Variants in GABRB1 observed in about 807,000 individuals in gnomAD.
The protein encoded by GABRB1 is gamma-aminobutyric acid type A receptor subunit beta1.
GABRB1 carries 17 observed loss-of-function variants against 51.6 expected under a neutral mutation model. The ratio of observed to expected loss-of-function variants is 0.33; its 90% CI spans 0.23 to 0.49. The LOEUF is 0.49. Among genes scored for constraint, GABRB1 ranks in the 20% least tolerant of loss-of-function variants. GABRB1 has a pLI of 0.99. For missense variants in GABRB1, 410 were observed against 600.6 expected (o/e 0.68, Z 3.32); for synonymous variants, 247 against 218.9 (o/e 1.13, Z -1.14).
At chr4:47,063,203 C>A (rs1046755189) in intron 3 of GABRB1, among the ~76,000 whole-genome samples, 1 of 152,124 alleles carries the variant, frequency 6.6e-6, no homozygotes, top group Non-Finnish European at 1.5e-5. Context: ...AGGCCTTGAA[C>A]GTGCCAAGCA....
intron 4 of GABRB1, among the ~76,000 whole-genome samples, chr4:47,185,560 T>G (rs1719141262): frequency 6.6e-6 from 1 of 151,714 alleles, no homozygotes; most frequent in South Asian, 2.1e-4. Flanking sequence ...CCCACCTTGT[T>G]GTAAAAAAAA....
chr4:47,201,876 G>A (rs897086142), intron 4 of GABRB1, among the ~76,000 whole-genome samples: 1 of 152,094 alleles, frequency 6.6e-6, no homozygotes, highest in Non-Finnish European at 1.5e-5. Flanking sequence ...ACAAATATAA[G>A]CACATGCTGC....
chr4:47,411,648 A>C (rs1467610330), intron 8 of GABRB1, among the ~76,000 whole-genome samples: 6 of 152,202 alleles, frequency 3.9e-5, no homozygotes, highest in Non-Finnish European at 7.3e-5. Flanking sequence ...TACACACTTT[A>C]TGTCAATGTC....
chr4:47,032,013 TTCA>T lies in GABRB1; in HGVS notation c.172+11_172+13del. ...TGCGGCCGGACTTCGGAGGTAACGC[TTCA>T]TCTTTTTTCAACCTGTAACCCATCC... On this transcript the variant is annotated intron_variant, in intron 2 of 8. Coordinates refer to ENST00000295454, the MANE Select transcript of GABRB1 (RefSeq NM_000812.4). 1 of 1,604,580 alleles carries T rather than the reference TTCA, an allele frequency of 6.2e-7. No individual in the cohort carries two copies.
At chr4:47,234,401 C>T (rs1282392349) in intron 4 of GABRB1, among the ~76,000 whole-genome samples, 2 of 151,810 alleles carry the variant, frequency 1.3e-5, no homozygotes, top group Admixed American at 6.6e-5. Context: ...GCAGGAGAAT[C>T]GCTTGAACCC....
chr4:47,176,996 A>G (rs1435783765), intron 4 of GABRB1, among the ~76,000 whole-genome samples: 1 of 152,176 alleles, frequency 6.6e-6, no homozygotes, highest in Non-Finnish European at 1.5e-5. Context: ...ATTTGAAACC[A>G]GTCATCTGAT....
intron 4 of GABRB1, among the ~76,000 whole-genome samples, chr4:47,288,544 G>T (rs1723600708): frequency 2.0e-5 from 3 of 152,190 alleles, no homozygotes; most frequent in East Asian, 1.9e-4. Context: ...TTACAGGTGT[G>T]AGCCACCATG....
At chr4:47,047,524 T>G (rs1368501420) in intron 3 of GABRB1, among the ~76,000 whole-genome samples, 3 of 152,136 alleles carry the variant, frequency 2.0e-5, no homozygotes, top group African/African-American at 7.2e-5. Flanking sequence ...TCAGAGTCTA[T>G]GTGTGGTAAT....
intron 3 of GABRB1, among the ~76,000 whole-genome samples, chr4:47,123,806 A>ATATATTATATATTATAT (rs1469241852): frequency 1.1e-5 from 1 of 90,514 alleles, no homozygotes; most frequent in Non-Finnish European, 2.0e-5. Flanking sequence ...ATTATATATC[A>ATATATTATATATTATAT]TATATTATAT....
chr4:47,080,456 G>A (rs1727781954), intron 3 of GABRB1, among the ~76,000 whole-genome samples: 1 of 152,190 alleles, frequency 6.6e-6, no homozygotes, highest in African/African-American at 2.4e-5. Context: ...AGAGCAAAGA[G>A]TAATTATGAA....
At chr4:47,296,448 G>C (rs1464241402) in intron 4 of GABRB1, among the ~76,000 whole-genome samples, 1 of 150,822 alleles carries the variant, frequency 6.6e-6, no homozygotes, top group Non-Finnish European at 1.5e-5. Flanking sequence ...AAAAAGGCAG[G>C]GGTTGCAATC....
intron 5 of GABRB1, among the ~76,000 whole-genome samples, chr4:47,350,284 T>G (rs57243134): frequency 0.5 from 70,231 of 139,802 alleles, 18,037 homozygotes; most frequent in Admixed American, 0.59. Context: ...TATATATATA[T>G]ATAGAGAGAG....
intron 1 of GABRB1, among the ~76,000 whole-genome samples, chr4:47,013,408 C>T (rs973893192): frequency 6.6e-6 from 1 of 152,160 alleles, no homozygotes; most frequent in Admixed American, 6.5e-5. Flanking sequence ...GATCCACCCA[C>T]CCTAGCCTCC....
chr4:47,230,239 T>A (rs1721089864), intron 4 of GABRB1, among the ~76,000 whole-genome samples: 1 of 152,114 alleles, frequency 6.6e-6, no homozygotes, highest in Non-Finnish European at 1.5e-5. Context: ...GAATGTTGCA[T>A]GACAGGAAGG....
At chr4:47,228,586 T>G (rs1441499801) in intron 4 of GABRB1, among the ~76,000 whole-genome samples, 2 of 152,144 alleles carry the variant, frequency 1.3e-5, no homozygotes, top group Non-Finnish European at 2.9e-5. Flanking sequence ...TTTGTATGTC[T>G]ATCACTCATC....
At chr4:47,355,384 G>T (rs1457208187) in intron 5 of GABRB1, among the ~76,000 whole-genome samples, 1 of 151,970 alleles carries the variant, frequency 6.6e-6, no homozygotes, top group Non-Finnish European at 1.5e-5. Context: ...CTAGATGTCC[G>T]TGAATTCATT....
chr4:47,150,948 C>G (rs1468491767), intron 3 of GABRB1, among the ~76,000 whole-genome samples: 2 of 151,808 alleles, frequency 1.3e-5, no homozygotes, highest in African/African-American at 4.8e-5. Flanking sequence ...AGGTGGTATA[C>G]AGAAGACAGA....
chr4:47,051,742 G>C (rs1285234112), intron 3 of GABRB1, among the ~76,000 whole-genome samples: 1 of 152,180 alleles, frequency 6.6e-6, no homozygotes, highest in Non-Finnish European at 1.5e-5. Context: ...AAAATCCCAG[G>C]GAAAGCACTG....
chr4:47,311,849 C>T (rs1006016903), intron 4 of GABRB1, among the ~76,000 whole-genome samples: 3 of 152,066 alleles, frequency 2.0e-5, no homozygotes, highest in Non-Finnish European at 2.9e-5. Context: ...TAGCTTGAAC[C>T]CGCAATCCAT....
Sources: gnomAD v4.1 joint callset for allele counts (sites outside exome capture counted in the v4.1 genomes callset) on GRCh38, gnomAD v4.1.1 for gene constraint, MANE v1.5 for transcripts, NCBI Gene and HGNC (gene_info 2026-07-23, HGNC 2026-07-21) for gene names.